The following TNFRSF6B variants were observed in gnomAD, a reference collection of about 807,000 sequenced individuals.
TNFRSF6B encodes tumor necrosis factor receptor superfamily member 6B.
A neutral mutation model predicts 17.9 loss-of-function variants in TNFRSF6B; 23 were observed. The observed-to-expected ratio is 1.28, with a 90% CI of 0.92 to 1.82. TNFRSF6B has a LOEUF of 1.82. Among genes scored for constraint, TNFRSF6B ranks in the 40% most tolerant of loss-of-function variants. The probability of loss-of-function intolerance (pLI) is 0.00; values close to 1 mark genes in which losing one functional copy is unlikely to be tolerated. For missense variants in TNFRSF6B, 555 were observed against 437.2 expected, an observed-to-expected ratio of 1.27 and a Z score of -2.40; for synonymous variants, 291 against 195.8, an observed-to-expected ratio of 1.49 and a Z score of -4.06.
Position 63,697,204 on chromosome 20 carries a change from C to G in TNFRSF6B, c.424+13C>G, listed in dbSNP as rs371878362. 2 of 1,553,034 alleles carry G rather than the reference C, an allele frequency of 1.3e-6. No homozygotes were observed. The highest frequency in any genetic ancestry group is 8.7e-7 in the Non-Finnish European group (1 of 1,146,900). ...GTGATTGCCCCGGGTGAGAGCTGGG[C>G]GAGGGGAGGGGCCCCCAGGAGTGGT... On this transcript the variant is annotated intron_variant, in intron 1 of 2. Coordinates refer to ENST00000369996, the MANE Select transcript of TNFRSF6B (RefSeq NM_003823.4).
intron 1 of TNFRSF6B, 38 bp downstream of exon 1, chr20:63,697,229 T>A: frequency 6.5e-7 from 1 of 1,550,348 alleles, no homozygotes; most frequent in Non-Finnish European, 8.7e-7. Context: ...CCAGGAGTGG[T>A]GGCCGGAGGT....
At position 63,697,923 on chromosome 20, in the gene TNFRSF6B, CAG is replaced by C. The variant is rs756510620; in HGVS notation, c.620-356_620-355del. On this transcript the variant is annotated intron_variant, in intron 2 of 2. Transcript: ENST00000369996. ...AATGTTAACCACTGTTGAGAAGTCA[CAG>C]GGGGAAGTGACCCCCTTAACATCAA... Among the ~76,000 whole-genome samples, 9 of 152,314 alleles carry C rather than the reference CAG, an allele frequency of 5.9e-5. No homozygotes were observed. In the South Asian group the frequency reaches 1.0e-3, roughly 18 times the overall value.
At position 63,696,907 on chromosome 20, in the gene TNFRSF6B, TGG is replaced by T; in HGVS notation, c.141_142del (p.Cys49ArgfsTer50). 1 of 1,611,002 alleles carries T rather than the reference TGG, an allele frequency of 6.2e-7. No individual in the cohort carries two copies. The highest frequency in any genetic ancestry group is 8.5e-7 in the Non-Finnish European group (1 of 1,179,246). On this transcript the variant is annotated frameshift_variant, in exon 1 of 3. Coordinates refer to ENST00000369996, the MANE Select transcript of TNFRSF6B (RefSeq NM_003823.4). LOFTEE classifies it high-confidence loss of function. ...CGGGACGCAGAGACAGGGGAGCGGC[TGG>T]TGTGCGCCCAGTGCCCCCCAGGCAC...
intron 2 of TNFRSF6B, 72 bp downstream of exon 2, chr20:63,697,594 C>A (rs552284948): frequency 1.3e-5 from 19 of 1,429,000 alleles, no homozygotes; most frequent in Non-Finnish European, 1.8e-5. Context: ...TGCCCCTGCA[C>A]GTGCATCTAG....
rs1382621312 is a variant in TNFRSF6B at position 63,697,456 on chromosome 20, G to A, written c.553G>A (p.Gly185Ser). The change falls in exon 2 of 3, where the codon GGC becomes AGC. Residue 185 changes from glycine to serine, a missense_variant. Transcript: ENST00000369996. ...TALGLALNVP[G>S]SSSHDTLCTS... is the part of the protein sequence containing the mutation. ...CCTGGGCCTGGCCCTCAATGTGCCA[G>A]GCTCTTCCTCCCATGACACCCTGTG... 1.3e-6 allele frequency: 2 copies of A among 1,595,608 alleles called. No homozygotes were observed. The highest frequency in any genetic ancestry group is 1.8e-5 in the Admixed American group (1 of 56,912).
In TNFRSF6B at chr20:63,696,776, G is replaced by C. The variant is rs748534320; in HGVS notation, c.9G>C (p.Ala3=). Residue 3 remains alanine (A), a synonymous_variant, in exon 1 of 3, where the codon GCG becomes GCC. Transcript: ENST00000369996. MR[A]LEGPGLSLLC... ...CTGCTCCAGCAAGGACCATGAGGGC[G>C]CTGGAGGGGCCAGGCCTGTCGCTGC... is the stretch of plus-strand genomic sequence containing the variant. 7 of 1,589,458 alleles carry C rather than the reference G, an allele frequency of 4.4e-6. No homozygotes were observed. Among genetic ancestry groups the C allele is most frequent in the Non-Finnish European group, 5.1e-6 (6 of 1,167,056 alleles).
rs764594740 is a variant in TNFRSF6B at position 63,698,549 on chromosome 20, C to T, written c.889C>T (p.Leu297Phe). The T allele has an allele frequency of 1.2e-4, 188 of 1,533,922 alleles. No individual in the cohort carries two copies. The highest frequency in any genetic ancestry group is 1.6e-4 in the Non-Finnish European group (183 of 1,151,086). ...GGAGCGGAGCGTCCGTGAGCGCTTC[C>T]TCCCTGTGCACTGATCCTGGCCCCC... ...GLERSVRERF[L>F]PVH Residue 297 changes from leucine to phenylalanine, a missense_variant, in exon 3 of 3, where the codon CTC becomes TTC. By Grantham distance (22) the Leu-to-Phe change is conservative. Coordinates refer to ENST00000369996, the MANE Select transcript of TNFRSF6B (RefSeq NM_003823.4).
Position 63,697,204 on chromosome 20 carries a change from C to A in TNFRSF6B, c.424+13C>A. The A allele has an allele frequency of 1.9e-6, 3 of 1,553,034 alleles. No homozygotes were observed. Among genetic ancestry groups the A allele is most frequent in the Non-Finnish European group, 2.6e-6 (3 of 1,146,900 alleles). ...GTGATTGCCCCGGGTGAGAGCTGGGCGAGGGGAGGGGCCCCCAGGAGTGGT... is the reference window on the plus strand; with the variant it reads ...GTGATTGCCCCGGGTGAGAGCTGGGAGAGGGGAGGGGCCCCCAGGAGTGGT... On this transcript the variant is annotated intron_variant, in intron 1 of 2. Transcript: ENST00000369996.
Position 63,697,016 on chromosome 20 carries a change from C to G in TNFRSF6B, c.249C>G (p.Asn83Lys). 3.1e-6 allele frequency: 5 copies of G among 1,608,854 alleles called. No individual in the cohort carries two copies. Among genetic ancestry groups the G allele is most frequent in the Non-Finnish European group, 4.2e-6 (5 of 1,179,600 alleles). Residue 83 changes from asparagine (N) to lysine (K), a missense_variant, in exon 1 of 3, where the codon AAC (asparagine) becomes AAG (lysine). By Grantham distance (94) the Asn-to-Lys change is moderately conservative. Transcript: ENST00000369996. Reference protein sequence around the residue: ...CPPRHYTQFWNYLERCRYCNV... With the variant: ...CPPRHYTQFWKYLERCRYCNV... ...CGCGCCACTACACGCAGTTCTGGAA[C>G]TACCTAGAGCGCTGCCGCTACTGCA...
Position 63,697,319 on chromosome 20 carries a change from T to G in TNFRSF6B, c.425-9T>G, listed in dbSNP as rs202040674. 1,604 of 1,603,000 alleles carry G rather than the reference T, an allele frequency of 1.0e-3. 6 individuals are homozygous for G. The highest frequency in any genetic ancestry group is 5.5e-3 in the South Asian group (489 of 89,344). ...TTCCCCTGACCCTGTTCTTCCCTCC[T>G]GGCTGCAGGCACCCCCAGCCAGAAC... is the stretch of plus-strand genomic sequence containing the variant. On this transcript the variant is annotated splice_polypyrimidine_tract_variant and intron_variant, in intron 1 of 2. Coordinates refer to ENST00000369996, the MANE Select transcript of TNFRSF6B (RefSeq NM_003823.4).
rs1415363434 is a variant in TNFRSF6B, at chr20:63,698,169, T to G, written c.620-111T>G. 4.4e-6 allele frequency: 6 copies of G among 1,378,978 alleles called. No individual in the cohort carries two copies. The African/African-American group carries it at 9.0e-5, about 21-fold the overall frequency. The allele number at this position is 1,378,978 out of a possible 1,614,324, so 85.4% of individuals were successfully genotyped here. A position where few individuals can be genotyped will look rare whatever the true frequency, so the allele number is the denominator to read the frequency against. On this transcript the variant is annotated intron_variant, in intron 2 of 2. Coordinates refer to ENST00000369996, the MANE Select transcript of TNFRSF6B (RefSeq NM_003823.4). ...CAGCACGGCTCACTGCACAGGGATT[T>G]CTCTCTCCTGCAAACCCCCCGAGTG...
chr20:63,696,920 G>C lies in TNFRSF6B; in HGVS notation c.153G>C (p.Gln51His). 1 of 1,610,278 alleles carries C rather than the reference G, an allele frequency of 6.2e-7. No individual in the cohort carries two copies. The highest frequency in any genetic ancestry group is 1.7e-5 in the Admixed American group (1 of 59,862). ...AETGERLVCAQCPPGTFVQRP... is the reference protein window; with the variant it reads ...AETGERLVCAHCPPGTFVQRP... ...CAGGGGAGCGGCTGGTGTGCGCCCA[G>C]TGCCCCCCAGGCACCTTTGTGCAGC... Residue 51 changes from glutamine to histidine, a missense_variant, in exon 1 of 3, where the codon CAG becomes CAC. Physicochemically the swap from Gln to His is conservative, Grantham distance 24. Coordinates refer to ENST00000369996, the MANE Select transcript of TNFRSF6B (RefSeq NM_003823.4).
chr20:63,698,177 C>T, intron 2 of TNFRSF6B, 103 bp from the exon 3 acceptor site: 1 of 1,435,980 alleles, frequency 7.0e-7, no homozygotes, highest in Non-Finnish European at 9.3e-7. Context: ...TTTCTCTCTC[C>T]TGCAAACCCC....
At position 63,698,378 on chromosome 20, in the gene TNFRSF6B, G is replaced by C; in HGVS notation, c.718G>C (p.Glu240Gln). 1 of 1,607,228 alleles carries C rather than the reference G, an allele frequency of 6.2e-7. No homozygotes were observed. Among genetic ancestry groups the C allele is most frequent in the Non-Finnish European group, 8.5e-7 (1 of 1,177,994 alleles). Residue 240 changes from glutamate to glutamine, a missense_variant, in exon 3 of 3, where the codon GAG (glutamate) becomes CAG (glutamine). Coordinates refer to ENST00000369996, the MANE Select transcript of TNFRSF6B (RefSeq NM_003823.4). ...QRLLQALEAP[E>Q]GWGPTPRAGR... ...GCTGCTGCAGGCCCTCGAGGCCCCGGAGGGCTGGGGTCCGACACCAAGGGC... is the reference window on the plus strand; with the variant it reads ...GCTGCTGCAGGCCCTCGAGGCCCCGCAGGGCTGGGGTCCGACACCAAGGGC...
Position 63,697,175 on chromosome 20 carries a change from C to T in TNFRSF6B, c.408C>T (p.Ala136=), listed in dbSNP as rs774977498. Residue 136 remains alanine (A), a synonymous_variant, in exon 1 of 3, where the codon GCC becomes GCT. Transcript: ENST00000369996. ...AGCACGCATCGTGTCCACCTGGTGC[C>T]GGCGTGATTGCCCCGGGTGAGAGCT... ...CLEHASCPPG[A]GVIAPGTPSQ... The T allele has an allele frequency of 3.2e-5, 50 of 1,562,818 alleles. No homozygotes were observed. Among genetic ancestry groups the T allele is most frequent in the South Asian group, 2.2e-4 (19 of 86,310 alleles).
intron 1 of TNFRSF6B, 61 bp from the exon 2 acceptor site, chr20:63,697,267 G>A: frequency 1.3e-6 from 2 of 1,563,606 alleles, no homozygotes; most frequent in Non-Finnish European, 1.7e-6. Flanking sequence ...GCTGGTCCCA[G>A]CCTTGCACCC....
In TNFRSF6B at chr20:63,697,454, C is replaced by T; in HGVS notation, c.551C>T (p.Pro184Leu). 6.3e-7 allele frequency: 1 copy of T among 1,595,942 alleles called. No individual in the cohort carries two copies. The highest frequency in any genetic ancestry group is 8.5e-7 in the Non-Finnish European group (1 of 1,172,194). The change falls in exon 2 of 3, where the codon CCA (proline) becomes CTA (leucine). Residue 184 changes from proline (P) to leucine (L), a missense_variant. By Grantham distance (98) the Pro-to-Leu change is moderately conservative. Coordinates refer to ENST00000369996, the MANE Select transcript of TNFRSF6B (RefSeq NM_003823.4). Reference sequence around the variant, plus strand: ...GCCCTGGGCCTGGCCCTCAATGTGCCAGGCTCTTCCTCCCATGACACCCTG... The same window carrying T: ...GCCCTGGGCCTGGCCCTCAATGTGCTAGGCTCTTCCTCCCATGACACCCTG... ...CTALGLALNV[P>L]GSSSHDTLCT... is the part of the protein sequence containing the mutation.
chr20:63,698,599 A>T lies in TNFRSF6B; in HGVS notation c.*36A>T, dbSNP rs745660654. ...CTCTTATTTATTCTACATCCTTGGC[A>T]CCCCACTTGCACTGAAAGAGGCTTT... is the stretch of plus-strand genomic sequence containing the variant. On this transcript the variant is annotated 3_prime_UTR_variant, in exon 3 of 3. Coordinates refer to ENST00000369996, the MANE Select transcript of TNFRSF6B (RefSeq NM_003823.4). 7 of 1,455,936 alleles carry T rather than the reference A, an allele frequency of 4.8e-6. No individual in the cohort carries two copies. The African/African-American group carries it at 7.5e-5, about 16-fold the overall frequency. 90.2% of individuals were successfully genotyped at this position (1,455,936 alleles called of 1,614,324 possible). A position where few individuals can be genotyped will look rare whatever the true frequency, so the allele number is the denominator to read the frequency against.
At position 63,696,825 on chromosome 20, in the gene TNFRSF6B, G is replaced by A. The variant is rs2145486431; in HGVS notation, c.58G>A (p.Ala20Thr). ...GCTGTGCCTGGTGTTGGCGCTGCCT[G>A]CCCTGCTGCCGGTGCCGGCTGTACG... ...SLLCLVLALP[A>T]LLPVPAVRGV... is the part of the protein sequence containing the mutation. Residue 20 changes from alanine (A) to threonine (T), a missense_variant, in exon 1 of 3, where the codon GCC (alanine) becomes ACC (threonine). Physicochemically the swap from Ala to Thr is moderately conservative, Grantham distance 58. Transcript: ENST00000369996. The A allele has an allele frequency of 1.2e-6, 2 of 1,610,058 alleles. No individual in the cohort carries two copies. The highest frequency in any genetic ancestry group is 1.7e-6 in the Non-Finnish European group (2 of 1,178,860).
Sources: allele counts gnomAD v4.1 joint callset (sites outside exome capture counted in the v4.1 genomes callset), GRCh38; gene constraint gnomAD v4.1.1; transcripts MANE v1.5; gene names NCBI Gene and HGNC (gene_info 2026-07-23, HGNC 2026-07-21).